SENP2: variants seen among roughly 807,000 people sequenced by gnomAD.
SENP2 encodes the protein sentrin-specific protease 2.
A neutral mutation model predicts 86.3 loss-of-function variants in SENP2; 16 were observed. The observed-to-expected ratio is 0.19, with a 90% CI of 0.13 to 0.28. SENP2 has a LOEUF of 0.28. Ranked by LOEUF, SENP2 falls within the 10% of genes least tolerant of loss-of-function variation. The pLI, the probability that SENP2 is intolerant of heterozygous loss-of-function variation, is 1.00. For synonymous variants in SENP2, 222 were observed against 238.7 expected (o/e 0.93, Z 0.64); for missense variants, 552 against 703.0 (o/e 0.79, Z 2.43).
intron 5 of SENP2, among the ~76,000 whole-genome samples, chr3:185,602,635 C>G (rs1477495385): frequency 6.6e-6 from 1 of 151,816 alleles, no homozygotes; most frequent in Non-Finnish European, 1.5e-5. Context: ...TACAAGTTTG[C>G]AGCCTGGCCA....
At chr3:185,592,186 C>T (rs1722031681) in intron 2 of SENP2, among the ~76,000 whole-genome samples, 1 of 151,316 alleles carries the variant, frequency 6.6e-6, no homozygotes, top group Non-Finnish European at 1.5e-5. Context: ...TCACACAATC[C>T]TCCTGCCTCA....
At chr3:185,618,187 G>A (rs1021935022) in intron 12 of SENP2, among the ~76,000 whole-genome samples, 1 of 152,120 alleles carries the variant, frequency 6.6e-6, no homozygotes, top group South Asian at 2.1e-4. Flanking sequence ...CAGGTGATCC[G>A]CCCGCCTTGG....
intron 13 of SENP2, among the ~76,000 whole-genome samples, chr3:185,620,754 A>G (rs1711829998): frequency 6.6e-6 from 1 of 151,950 alleles, no homozygotes; most frequent in African/African-American, 2.4e-5. Context: ...AGGAGCTTTC[A>G]TTTTTAACAG....
Position 185,609,344 on chromosome 3 carries a change from A to G in SENP2, c.716A>G (p.Tyr239Cys). 3 of 1,605,748 alleles carry G rather than the reference A, an allele frequency of 1.9e-6. No homozygotes were observed. Among genetic ancestry groups the G allele is most frequent in the African/African-American group, 1.3e-5 (1 of 74,874 alleles). ...TCTGTCTGTCCTGTAACTTCAAATTATCACAGGTGACAGTGAGCTAACAGA... is the reference window on the plus strand; with the variant it reads ...TCTGTCTGTCCTGTAACTTCAAATTGTCACAGGTGACAGTGAGCTAACAGA... ...GNSVCPVTSN[Y>C]HSSQRSQMDT... The change falls in exon 7 of 17, where the codon TAT becomes TGT. Residue 239 changes from tyrosine (Y) to cysteine (C), a missense_variant. By Grantham distance (194) the Tyr-to-Cys change is radical (BLOSUM62 -2). Coordinates refer to ENST00000296257, the MANE Select transcript of SENP2 (RefSeq NM_021627.3).
chr3:185,613,593 G>A (rs1722765259), intron 10 of SENP2, 185 bp downstream of exon 10: 1 of 391,050 alleles, frequency 2.6e-6, no homozygotes. Context: ...AACTTTAGGA[G>A]GCCAAGGCAG....
At position 185,613,382 on chromosome 3, in the gene SENP2, G is replaced by C; in HGVS notation, c.907G>C (p.Val303Leu). Residue 303 changes from valine to leucine, a missense_variant, in exon 10 of 17, where the codon GTC becomes CTC. Physicochemically the swap from Val to Leu is conservative, Grantham distance 32 (BLOSUM62 1). Transcript: ENST00000296257. ...GAAAATTACTGATACAGAGACGATGGTCGGAATCAGATTTGAAAATGAAAG... is the reference window on the plus strand; with the variant it reads ...GAAAATTACTGATACAGAGACGATGCTCGGAATCAGATTTGAAAATGAAAG... ...KGKITDTETM[V>L]GIRFENESRR... 1 of 1,593,928 alleles carries C rather than the reference G, an allele frequency of 6.3e-7. No individual in the cohort carries two copies. Among genetic ancestry groups the C allele is most frequent in the Admixed American group, 1.7e-5 (1 of 59,752 alleles).
chr3:185,598,961 T>C lies in SENP2; in HGVS notation c.295T>C (p.Phe99Leu), dbSNP rs1722259684. The part of the protein sequence containing the change: ...TRNVAPSGEV[F>L]SNSSSCELTG... ...AGTGATTCTGTTTGATTTTAAGGTA[T>C]TTTCGAACTCTTCATCTTGTGAACT... The change falls in exon 4 of 17, where the codon TTT becomes CTT. Residue 99 changes from phenylalanine to leucine, a missense_variant. By Grantham distance (22) the Phe-to-Leu change is conservative. Transcript: ENST00000296257. The C allele has an allele frequency of 1.9e-6, 3 of 1,611,952 alleles. No homozygotes were observed. The East Asian group carries it at 6.7e-5, about 36-fold the overall frequency.
At chr3:185,622,345 G>C (rs1711926865) in intron 14 of SENP2, among the ~76,000 whole-genome samples, 1 of 152,172 alleles carries the variant, frequency 6.6e-6, no homozygotes, top group African/African-American at 2.4e-5. Flanking sequence ...TGCTATAATA[G>C]AAACCAATCT....
intron 10 of SENP2, 103 bp from the exon 11 acceptor site, chr3:185,614,461 C>CT (rs1711525584): frequency 8.8e-7 from 1 of 1,131,918 alleles, no homozygotes; most frequent in Non-Finnish European, 1.3e-6. Context: ...TGCTAATTCT[C>CT]TTTTCTTTCA....
rs1041685201 is a variant in SENP2, at chr3:185,619,160, TC to T, written c.1243-136del. ...TCCCATTTTGCACTGATCACTTTTTTCCCTGTCTTCTACTATAGACAGTCTT... is the reference window on the plus strand; with the variant it reads ...TCCCATTTTGCACTGATCACTTTTTTCCTGTCTTCTACTATAGACAGTCTT... On this transcript the variant is annotated intron_variant, in intron 12 of 16. Transcript: ENST00000296257. The T allele has an allele frequency of 4.6e-6, 3 of 647,026 alleles. No individual in the cohort carries two copies. In the African/African-American group the frequency reaches 5.5e-5, roughly 12 times the overall value. 40.1% of individuals were successfully genotyped at this position (647,026 alleles called of 1,614,324 possible).
chr3:185,591,937 C>T (rs1248819764), intron 2 of SENP2, among the ~76,000 whole-genome samples: 1 of 147,530 alleles, frequency 6.8e-6, no homozygotes, highest in Non-Finnish European at 1.5e-5. Context: ...GGTCTTGCCA[C>T]ATTGTCCAGG....
At chr3:185,621,156 C>CACA (rs1326840651) in intron 13 of SENP2, among the ~76,000 whole-genome samples, 1 of 39,022 alleles carries the variant, frequency 2.6e-5, no homozygotes, top group African/African-American at 1.1e-4. Context: ...GATCTTGTCT[C>CACA]AAAAAAAAAA....
intron 13 of SENP2, 156 bp downstream of exon 13, chr3:185,619,658 A>G: frequency 4.6e-6 from 2 of 439,254 alleles, no homozygotes; most frequent in South Asian, 1.5e-4. Flanking sequence ...TTAATGTCCC[A>G]TCCTTCACCC....
intron 16 of SENP2, 99 bp from the exon 17 acceptor site, chr3:185,629,683 C>A (rs2148997788): frequency 8.7e-7 from 1 of 1,154,836 alleles, no homozygotes; most frequent in Non-Finnish European, 1.3e-6. Context: ...TTAGAAAAAG[C>A]ACATGGACAT....
rs1712515862 is a variant in SENP2, at chr3:185,632,245, T to TTTG, written c.*2403_*2404insGTT. On this transcript the variant is annotated 3_prime_UTR_variant, in exon 17 of 17. Transcript: ENST00000296257. ...TTTTGTTTTTTTTTTTTGTTTTTTT[T>TTTG]TTTTTTTTTTGCGACAGAGTCTCTT... 1 of 127,612 alleles carries TTTG rather than the reference T, an allele frequency of 7.8e-6. No individual in the cohort carries two copies. Among genetic ancestry groups the TTTG allele is most frequent in the African/African-American group, 2.9e-5 (1 of 34,532 alleles). 7.9% of individuals were successfully genotyped at this position (127,612 alleles called of 1,614,324 possible).
intron 16 of SENP2, among the ~76,000 whole-genome samples, chr3:185,628,558 G>C (rs1485249324): frequency 6.6e-6 from 1 of 152,210 alleles, no homozygotes; most frequent in Non-Finnish European, 1.5e-5. Flanking sequence ...CCAGGCTGGA[G>C]TGCAATGGCG....
rs559762469 is a variant in SENP2 at position 185,590,119 on chromosome 3, T to G, written c.107T>G (p.Leu36Arg). 1 of 1,513,394 alleles carries G rather than the reference T, an allele frequency of 6.6e-7. No individual in the cohort carries two copies. Among genetic ancestry groups the G allele is most frequent in the Non-Finnish European group, 8.9e-7 (1 of 1,125,404 alleles). 93.7% of individuals were successfully genotyped at this position (1,513,394 alleles called of 1,614,324 possible). Residue 36 changes from leucine (L) to arginine (R), a missense_variant, in exon 2 of 17, where the codon CTG becomes CGG. Physicochemically the swap from Leu to Arg is moderately radical, Grantham distance 102 (BLOSUM62 -2). Transcript: ENST00000296257. ...TTTTTCTTTCTCTTTTTCAGCACTC[T>G]GTTTTCTACAGTGGACACTGATGAA... The part of the protein sequence containing the change: ...LLKRRRSDST[L>R]FSTVDTDEIP...
chr3:185,595,375 G>A (rs893868699), intron 2 of SENP2, among the ~76,000 whole-genome samples: 1 of 152,184 alleles, frequency 6.6e-6, no homozygotes, highest in African/African-American at 2.4e-5. Context: ...AGCACTATTA[G>A]AAGGGGATAA....
intron 8 of SENP2, 90 bp from the exon 9 acceptor site, chr3:185,612,517 T>A: frequency 2.8e-6 from 1 of 357,786 alleles, no homozygotes; most frequent in Non-Finnish European, 4.3e-6. Context: ...AGGAATGTCT[T>A]GATGTTGTGG....
Sources: gnomAD v4.1 joint callset for allele counts (sites outside exome capture counted in the v4.1 genomes callset) on GRCh38, gnomAD v4.1.1 for gene constraint, MANE v1.5 for transcripts, NCBI Gene and HGNC (gene_info 2026-07-23, HGNC 2026-07-21) for gene names.